ZNF385B: variants seen among roughly 807,000 people sequenced by gnomAD.
ZNF385B encodes zinc finger protein 533.
Under a neutral mutation model 39.2 loss-of-function variants are expected in ZNF385B, and 23 were observed. The observed-to-expected ratio is 0.59, with a 90% CI of 0.42 to 0.83. ZNF385B has a LOEUF of 0.83. Among genes scored for constraint, ZNF385B ranks in the 40% least tolerant of loss-of-function variants. The probability of loss-of-function intolerance (pLI) is 0.00; values close to 1 mark genes in which losing one functional copy is unlikely to be tolerated. For synonymous variants in ZNF385B, 205 were observed against 222.6 expected (o/e 0.92, Z 0.70); for missense variants, 552 against 598.9 (o/e 0.92, Z 0.82).
intron 6 of ZNF385B, among the ~76,000 whole-genome samples, chr2:179,456,412 TTTGA>T (rs2050713961): frequency 6.6e-6 from 1 of 152,212 alleles, no homozygotes; most frequent in South Asian, 2.1e-4. Flanking sequence ...TCATTGTTAA[TTTGA>T]TTGGTATTTA....
intron 3 of ZNF385B, among the ~76,000 whole-genome samples, chr2:179,641,398 A>T (rs531688294): frequency 8.1e-4 from 124 of 152,262 alleles, no homozygotes; most frequent in Middle Eastern, 3.4e-3. Context: ...TATTTCTCCA[A>T]GTCTCTTTAT....
intron 4 of ZNF385B, among the ~76,000 whole-genome samples, chr2:179,531,944 G>T (rs774853517): frequency 1.3e-5 from 2 of 152,138 alleles, no homozygotes; most frequent in Non-Finnish European, 2.9e-5. Flanking sequence ...CTTCTTAGTG[G>T]AAAACATTTT....
chr2:179,485,873 AG>A (rs1481127825), intron 5 of ZNF385B, among the ~76,000 whole-genome samples: 1 of 152,190 alleles, frequency 6.6e-6, no homozygotes, highest in African/African-American at 2.4e-5. Flanking sequence ...AGGTCACCCA[AG>A]GTCTATAGCC....
chr2:179,493,784 C>CATATATGTATATGCAT (rs1559338478), intron 5 of ZNF385B, among the ~76,000 whole-genome samples: 1 of 88,512 alleles, frequency 1.1e-5, no homozygotes, highest in South Asian at 3.7e-4. Context: ...TGTATATACA[C>CATATATGTATATGCAT]ATATGTATAC....
intron 5 of ZNF385B, among the ~76,000 whole-genome samples, chr2:179,488,435 C>T (rs190405831): frequency 3.9e-5 from 6 of 152,284 alleles, no homozygotes; most frequent in East Asian, 1.9e-4. Flanking sequence ...AGAGCCACTG[C>T]GCACGGCCTG....
At chr2:179,692,256 C>T (rs1698414603) in intron 3 of ZNF385B, among the ~76,000 whole-genome samples, 1 of 152,082 alleles carries the variant, frequency 6.6e-6, no homozygotes, top group Non-Finnish European at 1.5e-5. Flanking sequence ...TCATTTTGTG[C>T]ACATAATTTA....
intron 3 of ZNF385B, among the ~76,000 whole-genome samples, chr2:179,587,706 A>C (rs1687200753): frequency 6.6e-6 from 1 of 152,148 alleles, no homozygotes; most frequent in Non-Finnish European, 1.5e-5. Flanking sequence ...AAAAGGTTTA[A>C]AATGCACATG....
At chr2:179,445,189 G>C (rs926199782) in intron 8 of ZNF385B, among the ~76,000 whole-genome samples, 4 of 152,082 alleles carry the variant, frequency 2.6e-5, no homozygotes. Context: ...GCCCTTATCA[G>C]ATTTTGCCTG....
In ZNF385B at chr2:179,580,763, G is replaced by C. The variant is rs546668759; in HGVS notation, c.299-35794C>G. 7.9e-5 allele frequency among the ~76,000 whole-genome samples: 12 copies of C among 152,288 alleles called. No individual in the cohort carries two copies. In the East Asian group the frequency reaches 2.3e-3, roughly 29 times the overall value. On this transcript the variant is annotated intron_variant, in intron 3 of 9. Coordinates refer to ENST00000410066, the MANE Select transcript of ZNF385B (RefSeq NM_152520.6). Reference sequence around the variant, plus strand: ...CAGTCTTCAGAACTATGAAAAATTTGTTAAGCAAGTCTATGGCATTTTGTT... The same window carrying C: ...CAGTCTTCAGAACTATGAAAAATTTCTTAAGCAAGTCTATGGCATTTTGTT...
chr2:179,496,114 G>C (rs2056175199), intron 5 of ZNF385B, among the ~76,000 whole-genome samples: 1 of 152,100 alleles, frequency 6.6e-6, no homozygotes, highest in Admixed American at 6.6e-5. Flanking sequence ...AATTATATTA[G>C]ATAAATTTAA....
chr2:179,695,706 G>A (rs1279718848), intron 3 of ZNF385B, among the ~76,000 whole-genome samples: 1 of 152,168 alleles, frequency 6.6e-6, no homozygotes, highest in East Asian at 1.9e-4. Context: ...GTTTTCATGA[G>A]AACATAGAGA....
chr2:179,715,367 T>A (rs1184464305), intron 3 of ZNF385B, among the ~76,000 whole-genome samples: 2 of 152,198 alleles, frequency 1.3e-5, no homozygotes, highest in African/African-American at 4.8e-5. Flanking sequence ...TGCTCTTTAG[T>A]CTAAATGTCT....
At chr2:179,643,683 G>T (rs1692464453) in intron 3 of ZNF385B, among the ~76,000 whole-genome samples, 1 of 152,144 alleles carries the variant, frequency 6.6e-6, no homozygotes, top group South Asian at 2.1e-4. Flanking sequence ...TGGTGGAGAA[G>T]AGCATAGTTG....
At chr2:179,488,672 A>G (rs1485865069) in intron 5 of ZNF385B, among the ~76,000 whole-genome samples, 2 of 151,984 alleles carry the variant, frequency 1.3e-5, no homozygotes, top group African/African-American at 4.8e-5. Context: ...TTAATTAAAG[A>G]AAGTGCATAA....
chr2:179,493,695 A>ATG (rs1559336791), intron 5 of ZNF385B, among the ~76,000 whole-genome samples: 2 of 102,608 alleles, frequency 1.9e-5, no homozygotes, highest in African/African-American at 7.1e-5. Context: ...ACACATATAT[A>ATG]CATATATGTA....
chr2:179,759,676 T>C (rs1325410152), intron 3 of ZNF385B, among the ~76,000 whole-genome samples: 1 of 152,212 alleles, frequency 6.6e-6, no homozygotes, highest in Non-Finnish European at 1.5e-5. Flanking sequence ...TGAGAAGCCT[T>C]CCTTGACCTC....
intron 3 of ZNF385B, among the ~76,000 whole-genome samples, chr2:179,740,693 G>A (rs968835734): frequency 2.0e-5 from 3 of 152,070 alleles, no homozygotes; most frequent in Non-Finnish European, 2.9e-5. Flanking sequence ...ACATGGGGAC[G>A]GGAGTAGACT....
chr2:179,509,329 T>C (rs1166448708), intron 5 of ZNF385B, among the ~76,000 whole-genome samples: 1 of 152,200 alleles, frequency 6.6e-6, no homozygotes, highest in Non-Finnish European at 1.5e-5. Flanking sequence ...TTTTAAATAA[T>C]ATTATAGTGC....
At chr2:179,651,477 T>C (rs763748138) in intron 3 of ZNF385B, among the ~76,000 whole-genome samples, 2 of 152,114 alleles carry the variant, frequency 1.3e-5, no homozygotes, top group Non-Finnish European at 2.9e-5. Context: ...GGAAAAGCTG[T>C]CTGGAGACAA....
Sources: allele counts gnomAD v4.1 joint callset (sites outside exome capture counted in the v4.1 genomes callset), GRCh38; gene constraint gnomAD v4.1.1; transcripts MANE v1.5; gene names NCBI Gene and HGNC (gene_info 2026-07-23, HGNC 2026-07-21).